CENPW: variants seen among roughly 807,000 people sequenced by gnomAD.
The protein encoded by CENPW is centromere protein W.
In CENPW, 3 loss-of-function variants were observed where a neutral mutation model predicts 11.1. The ratio of observed to expected loss-of-function variants is 0.27; its 90% CI spans 0.12 to 0.70. CENPW has a LOEUF of 0.70. CENPW is among the 30% of genes least tolerant of loss of function. The pLI is 0.77. For missense variants in CENPW, 100 were observed against 105.6 expected, an observed-to-expected ratio of 0.95 and a Z score of 0.23; for synonymous variants, 38 against 42.0, an observed-to-expected ratio of 0.91 and a Z score of 0.37.
the CENPW span, among the ~76,000 whole-genome samples, chr6:126,475,956 G>A: frequency 6.6e-6 from 1 of 151,872 alleles, no homozygotes; most frequent in African/African-American, 2.4e-5. Flanking sequence ...TCTGTGTCAC[G>A]TTAGAGCTAT....
the CENPW span, among the ~76,000 whole-genome samples, chr6:126,414,389 T>G: frequency 6.6e-6 from 1 of 152,270 alleles, no homozygotes; most frequent in East Asian, 1.9e-4. Flanking sequence ...TTCTCCAGAA[T>G]AAATCACGTT....
the CENPW span, among the ~76,000 whole-genome samples, chr6:126,395,653 A>G: frequency 1.3e-5 from 2 of 152,014 alleles, no homozygotes; most frequent in African/African-American, 2.4e-5. Context: ...AGTCTTCACA[A>G]TTTGGTCTTG....
the CENPW span, among the ~76,000 whole-genome samples, chr6:126,480,619 A>G: frequency 6.6e-6 from 1 of 152,050 alleles, no homozygotes; most frequent in Non-Finnish European, 1.5e-5. Flanking sequence ...GATGAACACT[A>G]TGCAAGTACT....
the CENPW span, among the ~76,000 whole-genome samples, chr6:126,374,524 T>C: frequency 6.6e-6 from 1 of 152,314 alleles, no homozygotes; most frequent in South Asian, 2.1e-4. Flanking sequence ...TTTGGGAGTT[T>C]TGCTTCCTTG....
At chr6:126,464,031 A>G in the CENPW span, among the ~76,000 whole-genome samples, 2 of 152,116 alleles carry the variant, frequency 1.3e-5, no homozygotes, top group Non-Finnish European at 2.9e-5. Context: ...ACATATTGAT[A>G]ACTATGAACA....
the CENPW span, among the ~76,000 whole-genome samples, chr6:126,446,357 G>GC: frequency 9.3e-3 from 1,171 of 126,366 alleles, 15 homozygotes; most frequent in East Asian, 0.041. Flanking sequence ...CCCCTCCCTG[G>GC]CCCCCCCACA....
chr6:126,386,504 T>G, the CENPW span, among the ~76,000 whole-genome samples: 2 of 152,052 alleles, frequency 1.3e-5, no homozygotes, highest in African/African-American at 4.8e-5. Flanking sequence ...GTTGCATTAG[T>G]CAATTTTTAT....
chr6:126,382,866 G>T, the CENPW span, among the ~76,000 whole-genome samples: 1 of 152,116 alleles, frequency 6.6e-6, no homozygotes, highest in Non-Finnish European at 1.5e-5. Flanking sequence ...TACATTTCAG[G>T]TTATCATCCA....
chr6:126,375,462 A>G, the CENPW span, among the ~76,000 whole-genome samples: 3 of 152,180 alleles, frequency 2.0e-5, no homozygotes, highest in African/African-American at 7.2e-5. Flanking sequence ...ACAAGACACT[A>G]TTGCAGTACT....
chr6:126,369,834 C>T, the CENPW span, among the ~76,000 whole-genome samples: 32 of 152,266 alleles, frequency 2.1e-4, no homozygotes, highest in African/African-American at 7.7e-4. Context: ...GGTTCTTTGT[C>T]ATGAAGTATT....
the CENPW span, among the ~76,000 whole-genome samples, chr6:126,403,689 A>G: frequency 6.6e-6 from 1 of 152,150 alleles, no homozygotes. Context: ...TATAGAAGCT[A>G]AAGTACAAGA....
At chr6:126,479,080 G>C in the CENPW span, among the ~76,000 whole-genome samples, 2 of 151,812 alleles carry the variant, frequency 1.3e-5, no homozygotes, top group Non-Finnish European at 2.9e-5. Flanking sequence ...ATCCTCCTTC[G>C]GTTTATGTGG....
At chr6:126,390,156 T>C in the CENPW span, among the ~76,000 whole-genome samples, 5 of 152,008 alleles carry the variant, frequency 3.3e-5, no homozygotes, top group African/African-American at 1.2e-4. Context: ...GTATTTCAAA[T>C]CTGTTACTTT....
chr6:126,459,919 C>T, the CENPW span, among the ~76,000 whole-genome samples: 1 of 145,280 alleles, frequency 6.9e-6, no homozygotes, highest in Admixed American at 6.9e-5. Context: ...TTTTTTCTTC[C>T]TTTTTTTTTT....
the CENPW span, among the ~76,000 whole-genome samples, chr6:126,400,052 CTG>C: frequency 6.6e-6 from 1 of 152,012 alleles, no homozygotes; most frequent in Non-Finnish European, 1.5e-5. Context: ...AAAAATAAAA[CTG>C]TTATGAACAT....
At chr6:126,390,152 C>G in the CENPW span, among the ~76,000 whole-genome samples, 1 of 151,844 alleles carries the variant, frequency 6.6e-6, no homozygotes, top group African/African-American at 2.4e-5. Flanking sequence ...AAATGTATTT[C>G]AAATCTGTTA....
At chr6:126,388,843 T>C in the CENPW span, among the ~76,000 whole-genome samples, 1 of 151,958 alleles carries the variant, frequency 6.6e-6, no homozygotes. Context: ...TTTAAGCTTC[T>C]TGAGGGTAGA....
chr6:126,423,502 T>C, the CENPW span, among the ~76,000 whole-genome samples: 1 of 152,060 alleles, frequency 6.6e-6, no homozygotes, highest in African/African-American at 2.4e-5. Flanking sequence ...ATCCATATGA[T>C]TTAGACAATT....
the CENPW span, among the ~76,000 whole-genome samples, chr6:126,421,229 G>A: frequency 6.6e-6 from 1 of 152,010 alleles, no homozygotes; most frequent in African/African-American, 2.4e-5. Flanking sequence ...ATGATTTACA[G>A]ATTTCATTAA....
Sources: gnomAD v4.1 joint callset for allele counts (sites outside exome capture counted in the v4.1 genomes callset) on GRCh38, gnomAD v4.1.1 for gene constraint, MANE v1.5 for transcripts, NCBI Gene and HGNC (gene_info 2026-07-23, HGNC 2026-07-21) for gene names.